Variants in NF1 observed in about 807,000 individuals in gnomAD.
NF1 encodes neurofibromin.
A neutral mutation model predicts 325.7 loss-of-function variants in NF1; 122 were observed. The observed-to-expected ratio is 0.37, with a 90% CI of 0.32 to 0.44. NF1 has a LOEUF of 0.44. NF1 is among the 20% of genes least tolerant of loss of function. The probability of loss-of-function intolerance (pLI) is 1.00; values close to 1 mark genes in which losing one functional copy is unlikely to be tolerated. For synonymous variants in NF1, 1,091 were observed against 1,186.0 expected, an observed-to-expected ratio of 0.92 and a Z score of 1.65; for missense variants, 2,140 against 3,415.4, an observed-to-expected ratio of 0.63 and a Z score of 9.31.
intron 1 of NF1, among the ~76,000 whole-genome samples, chr17:31,105,023 G>A (rs1912728192): frequency 6.6e-6 from 1 of 152,020 alleles, no homozygotes; most frequent in African/African-American, 2.4e-5. Context: ...CCCACCTCCC[G>A]AATATCTAGG....
At chr17:31,345,658 G>A (rs1396795139) in intron 48 of NF1, 11 of 1,614,114 alleles carry the variant, frequency 6.8e-6, no homozygotes, top group East Asian at 4.5e-5. Flanking sequence ...ATCAAGGCCA[G>A]CACCGAAGTT....
intron 8 of NF1, among the ~76,000 whole-genome samples, chr17:31,192,444 C>T (rs535577687): frequency 6.6e-5 from 10 of 152,132 alleles, no homozygotes; most frequent in Non-Finnish European, 1.3e-4. Flanking sequence ...GTCTGGTTGA[C>T]GGTTGAGTTT....
chr17:31,241,070 G>T (rs925804228), intron 29 of NF1, among the ~76,000 whole-genome samples: 6 of 152,086 alleles, frequency 3.9e-5, no homozygotes, highest in African/African-American at 1.4e-4. Context: ...TAGAGACAGG[G>T]TTTCACCACG....
chr17:31,255,277 C>T (rs1000977021), intron 31 of NF1, among the ~76,000 whole-genome samples: 3 of 151,960 alleles, frequency 2.0e-5, no homozygotes, highest in African/African-American at 7.3e-5. Flanking sequence ...GATAACTGGT[C>T]TCAACACACA....
At chr17:31,232,243 C>T in intron 25 of NF1, 54 bp downstream of exon 25, 1 of 1,093,598 alleles carries the variant, frequency 9.1e-7, no homozygotes. Context: ...AGCCCCCCAC[C>T]ACACAAAAAA....
chr17:31,181,951 A>G (rs1482112942), intron 7 of NF1, among the ~76,000 whole-genome samples, 166 bp downstream of exon 7: 1 of 152,120 alleles, frequency 6.6e-6, no homozygotes, highest in East Asian at 1.9e-4. Context: ...TTACATTTCT[A>G]AATTAGGCCC....
chr17:31,248,133 C>T (rs1342784092), intron 29 of NF1, among the ~76,000 whole-genome samples: 3 of 151,570 alleles, frequency 2.0e-5, no homozygotes, highest in Admixed American at 6.6e-5. Flanking sequence ...ACCCGGGAGG[C>T]GGAGGTTGCA....
rs1131691084 is a variant in NF1 at position 31,337,516 on chromosome 17, TGA to T, written c.6585_6586del (p.Glu2195AspfsTer46). ...ACAGGTCATTCTCTCCTGGCTCCTA[TGA>T]GAGAGAGACTTTTGCTTTGACATCC... ...RDRSFSPGSY[E>X]RETFALTSLE... On this transcript the variant is annotated frameshift_variant, in exon 43 of 58. Transcript: ENST00000358273. LOFTEE classifies it high-confidence loss of function. The T allele has an allele frequency of 6.2e-7, 1 of 1,614,084 alleles. No individual in the cohort carries two copies. Among genetic ancestry groups the T allele is most frequent in the Non-Finnish European group, 8.5e-7 (1 of 1,179,956 alleles).
At chr17:31,340,666 G>A (rs1403775452) in intron 47 of NF1, 21 bp downstream of exon 47, 1 of 1,612,682 alleles carries the variant, frequency 6.2e-7, no homozygotes, top group African/African-American at 1.3e-5. Flanking sequence ...TTTGCCTTGA[G>A]GTTCCTAGAT....
chr17:31,302,149 A>T (rs1280727454), intron 36 of NF1, among the ~76,000 whole-genome samples: 1 of 152,200 alleles, frequency 6.6e-6, no homozygotes, highest in Non-Finnish European at 1.5e-5. Flanking sequence ...AAATAAAAGG[A>T]AAAAAGACAA....
At chr17:31,150,167 A>G (rs1245755459) in intron 1 of NF1, among the ~76,000 whole-genome samples, 1 of 151,990 alleles carries the variant, frequency 6.6e-6, no homozygotes, top group Non-Finnish European at 1.5e-5. Flanking sequence ...TTTGCCTTTT[A>G]CTCACCGTGA....
chr17:31,290,374 A>G (rs1181027667), intron 36 of NF1, among the ~76,000 whole-genome samples: 1 of 152,034 alleles, frequency 6.6e-6, no homozygotes, highest in African/African-American at 2.4e-5. Context: ...CAATTTCCTC[A>G]TCTCATTTAT....
chr17:31,157,891 G>A (rs1331283899), intron 2 of NF1, among the ~76,000 whole-genome samples: 3 of 151,740 alleles, frequency 2.0e-5, no homozygotes, highest in Non-Finnish European at 4.4e-5. Flanking sequence ...GCGTGAACCC[G>A]GGAGGCGGAG....
chr17:31,356,264 A>G (rs1444233589), intron 51 of NF1, 196 bp from the exon 52 acceptor site: 6 of 529,808 alleles, frequency 1.1e-5, no homozygotes, highest in Non-Finnish European at 2.0e-5. Context: ...ATCCTGAAAC[A>G]GAAAGCTATG....
chr17:31,206,395 A>C, intron 12 of NF1, 24 bp downstream of exon 12: 2 of 1,421,894 alleles, frequency 1.4e-6, no homozygotes, highest in Non-Finnish European at 2.0e-6. Context: ...CGAATTTTGA[A>C]TCTCACCTCC....
chr17:31,293,178 C>CAAAAAAAAAAAAAAAAAAAAAAAA (rs71142044), intron 36 of NF1, among the ~76,000 whole-genome samples: 8 of 64,884 alleles, frequency 1.2e-4, no homozygotes, highest in East Asian at 5.0e-4. Context: ...GACTTCGTCT[C>CAAAAAAAAAAAAAAAAAAAAAAAA]AAAAAAAAAA....
chr17:31,203,780 T>A (rs548434675), intron 11 of NF1, among the ~76,000 whole-genome samples: 1 of 152,278 alleles, frequency 6.6e-6, no homozygotes, highest in African/African-American at 2.4e-5. Context: ...CCACACATTT[T>A]TTTTAAAGCA....
rs864622348 is a variant in NF1 at position 31,260,463 on chromosome 17, C to T, written c.4525C>T (p.Arg1509Cys). 2 of 1,613,938 alleles carry T rather than the reference C, an allele frequency of 1.2e-6. No individual in the cohort carries two copies. The highest frequency in any genetic ancestry group is 1.7e-6 in the Non-Finnish European group (2 of 1,179,950). ...TGACGGCAATGTGCTTGCTTTACAT[C>T]GTCTACTCTGGAACAATCAGGAGAA... ...ISDGNVLALH[R>C]LLWNNQEKIG... Residue 1509 changes from arginine (R) to cysteine (C), a missense_variant, in exon 34 of 58, where the codon CGT becomes TGT. Physicochemically the swap from Arg to Cys is radical, Grantham distance 180. Coordinates refer to ENST00000358273, the MANE Select transcript of NF1 (RefSeq NM_001042492.3).
At chr17:31,107,967 A>C (rs1258568080) in intron 1 of NF1, among the ~76,000 whole-genome samples, 1 of 151,636 alleles carries the variant, frequency 6.6e-6, no homozygotes, top group African/African-American at 2.4e-5. Flanking sequence ...GCTAGTATGC[A>C]CAAAAAAATA....
Sources: allele counts gnomAD v4.1 joint callset (sites outside exome capture counted in the v4.1 genomes callset), GRCh38; gene constraint gnomAD v4.1.1; transcripts MANE v1.5; gene names NCBI Gene and HGNC (gene_info 2026-07-23, HGNC 2026-07-21).